Variants in CSMD2 observed in about 807,000 individuals in gnomAD.
CSMD2 encodes the protein CUB and sushi domain-containing protein 2.
In CSMD2, 130 loss-of-function variants were observed where a neutral mutation model predicts 398.5. The observed-to-expected ratio is 0.33, with a 90% CI of 0.28 to 0.38. The LOEUF is 0.38. Among genes scored for constraint, CSMD2 ranks in the 10% least tolerant of loss-of-function variants. CSMD2 has a pLI of 1.00. For synonymous variants in CSMD2, 1,828 were observed against 1,908.5 expected (o/e 0.96, Z 1.10); for missense variants, 3,829 against 4,764.9 (o/e 0.80, Z 5.78).
intron 22 of CSMD2, among the ~76,000 whole-genome samples, chr1:33,703,936 C>A (rs1645692766): frequency 1.3e-5 from 2 of 152,162 alleles, no homozygotes; most frequent in Non-Finnish European, 2.9e-5. Context: ...AGTTGAGCAT[C>A]TTTTTATGTT....
intron 3 of CSMD2, among the ~76,000 whole-genome samples, chr1:33,952,123 T>A (rs752078751): frequency 2.0e-5 from 3 of 151,746 alleles, no homozygotes; most frequent in Non-Finnish European, 4.4e-5. Context: ...AAGGGCTGAG[T>A]CCTAGGAAAC....
At chr1:33,806,256 C>A (rs1175656981) in intron 10 of CSMD2, among the ~76,000 whole-genome samples, 1 of 152,188 alleles carries the variant, frequency 6.6e-6, no homozygotes, top group African/African-American at 2.4e-5. Context: ...TAGACCTTGA[C>A]ACTGAGTAGA....
intron 6 of CSMD2, among the ~76,000 whole-genome samples, chr1:33,829,203 A>G (rs1188679900): frequency 1.3e-5 from 2 of 152,152 alleles, no homozygotes; most frequent in Non-Finnish European, 2.9e-5. Context: ...ACTCTACAAA[A>G]TGTATATTCA....
chr1:33,763,385 C>T (rs762702936), intron 13 of CSMD2, among the ~76,000 whole-genome samples: 5 of 152,072 alleles, frequency 3.3e-5, no homozygotes, highest in African/African-American at 4.8e-5. Context: ...CATTTTGGAC[C>T]TACTGAATTG....
chr1:33,540,489 A>T, intron 60 of CSMD2, 36 bp downstream of exon 60: 1 of 1,610,802 alleles, frequency 6.2e-7, no homozygotes, highest in Non-Finnish European at 8.5e-7. Flanking sequence ...GGAGCTATTG[A>T]AGAGGATGCA....
At chr1:34,124,650 G>A (rs1662554675) in intron 1 of CSMD2, among the ~76,000 whole-genome samples, 1 of 152,182 alleles carries the variant, frequency 6.6e-6, no homozygotes, top group Non-Finnish European at 1.5e-5. Flanking sequence ...CTCCCCCAGT[G>A]GATCAATGCG....
chr1:33,888,582 C>T (rs751634676), intron 5 of CSMD2, among the ~76,000 whole-genome samples: 6 of 152,016 alleles, frequency 3.9e-5, no homozygotes, highest in Admixed American at 3.3e-4. Context: ...GCTCAAACCT[C>T]GTACAAAAAT....
chr1:33,963,582 T>C (rs1021285702), intron 3 of CSMD2, among the ~76,000 whole-genome samples: 5 of 152,078 alleles, frequency 3.3e-5, no homozygotes, highest in African/African-American at 1.2e-4. Flanking sequence ...CTATCCTCTC[T>C]CCCCAGGCAA....
intron 2 of CSMD2, among the ~76,000 whole-genome samples, chr1:34,050,932 G>A (rs2148222669): frequency 6.6e-6 from 1 of 152,184 alleles, no homozygotes; most frequent in South Asian, 2.1e-4. Flanking sequence ...TAGCCCAGAG[G>A]TCTTAGTTCC....
At chr1:33,625,360 G>T (rs1380661046) in intron 33 of CSMD2, 106 bp from the exon 34 acceptor site, 1 of 1,104,796 alleles carries the variant, frequency 9.1e-7, no homozygotes, top group East Asian at 2.6e-5. Context: ...GAAACCCTGG[G>T]AGGCTCTGGA....
Position 33,646,300 on chromosome 1 carries a change from C to G in CSMD2, c.4774+348G>C, listed in dbSNP as rs116716752. Among the ~76,000 whole-genome samples the G allele has an allele frequency of 2.5e-3, 388 of 152,266 alleles. 2 individuals are homozygous for G. Among genetic ancestry groups the G allele is most frequent in the African/African-American group, 8.7e-3 (363 of 41,536 alleles). ...AGATTGTGCCTCATATCAGAATCCT[C>G]TTTAGTGAAGTGGAGTGAAGGAAGA... On this transcript the variant is annotated intron_variant, in intron 29 of 70. Transcript: ENST00000373381.
intron 4 of CSMD2, among the ~76,000 whole-genome samples, chr1:33,929,622 G>C (rs1356058398): frequency 6.6e-6 from 1 of 151,866 alleles, no homozygotes; most frequent in Admixed American, 6.6e-5. Flanking sequence ...ATTTTTAGTA[G>C]AGATGGAGTT....
chr1:33,795,146 C>T (rs1234077857), intron 10 of CSMD2, among the ~76,000 whole-genome samples: 1 of 151,926 alleles, frequency 6.6e-6, no homozygotes, highest in Non-Finnish European at 1.5e-5. Flanking sequence ...GGATGTGGAC[C>T]TGTAGCAAGG....
At chr1:33,775,744 G>A (rs1417180588) in intron 12 of CSMD2, among the ~76,000 whole-genome samples, 1 of 152,178 alleles carries the variant, frequency 6.6e-6, no homozygotes, top group African/African-American at 2.4e-5. Flanking sequence ...GAGAAGCCTG[G>A]TCTAGAAATT....
At chr1:33,903,466 G>T (rs1212934935) in intron 5 of CSMD2, among the ~76,000 whole-genome samples, 1 of 152,098 alleles carries the variant, frequency 6.6e-6, no homozygotes, top group Admixed American at 6.6e-5. Flanking sequence ...TGAGTAATCA[G>T]CAAGAGTCAG....
intron 37 of CSMD2, among the ~76,000 whole-genome samples, chr1:33,617,940 T>C (rs1641501354): frequency 6.6e-6 from 1 of 152,080 alleles, no homozygotes; most frequent in Admixed American, 6.5e-5. Context: ...CATGCTCTCC[T>C]CCCACATCCC....
rs1467486703 is a variant in CSMD2, at chr1:33,992,512, A to C, written c.517+40082T>G. Among the ~76,000 whole-genome samples the C allele has an allele frequency of 2.0e-5, 3 of 150,542 alleles. No homozygotes were observed. The East Asian group carries it at 6.1e-4, about 31-fold the overall frequency. ...ATTACAGGCGTGAGTCACTGCACCC[A>C]GCCCTAGCATGGCTTTTTTAACAGA... On this transcript the variant is annotated intron_variant, in intron 3 of 70. Transcript: ENST00000373381.
chr1:33,745,188 A>G (rs1344049799), intron 13 of CSMD2, among the ~76,000 whole-genome samples: 2 of 152,238 alleles, frequency 1.3e-5, no homozygotes, highest in African/African-American at 4.8e-5. Flanking sequence ...TCATAAAATT[A>G]TATGCATGCT....
chr1:33,963,180 G>C (rs939733442), intron 3 of CSMD2, among the ~76,000 whole-genome samples: 1 of 152,112 alleles, frequency 6.6e-6, no homozygotes, highest in Non-Finnish European at 1.5e-5. Flanking sequence ...GCCCCTTATG[G>C]GGCCCCTCAC....
Sources: allele counts gnomAD v4.1 joint callset (sites outside exome capture counted in the v4.1 genomes callset), GRCh38; gene constraint gnomAD v4.1.1; transcripts MANE v1.5; gene names NCBI Gene and HGNC (gene_info 2026-07-23, HGNC 2026-07-21).